The following KIF3C variants were observed in gnomAD, a reference collection of about 807,000 sequenced individuals.
KIF3C encodes the protein kinesin-like protein KIF3C.
Under a neutral mutation model 67.7 loss-of-function variants are expected in KIF3C, and 12 were observed. The observed-to-expected ratio is 0.18, with a 90% CI of 0.11 to 0.29. KIF3C has a LOEUF of 0.29. Among genes scored for constraint, KIF3C ranks in the 10% least tolerant of loss-of-function variants. KIF3C has a pLI of 1.00. For missense variants in KIF3C, 789 were observed against 1,059.6 expected (o/e 0.74, Z 3.55); for synonymous variants, 393 against 426.2 (o/e 0.92, Z 0.96).
intron 1 of KIF3C, among the ~76,000 whole-genome samples, chr2:25,979,229 A>G (rs996985430): frequency 2.6e-5 from 4 of 152,126 alleles, no homozygotes; most frequent in African/African-American, 9.7e-5. Context: ...CATCCTCAGC[A>G]ATGCAACTTA....
intron 1 of KIF3C, among the ~76,000 whole-genome samples, chr2:25,962,315 G>A (rs1248224811): frequency 6.6e-6 from 1 of 151,992 alleles, no homozygotes; most frequent in Non-Finnish European, 1.5e-5. Flanking sequence ...GAAATAAAAT[G>A]ACAAATGCCA....
chr2:25,932,023 G>T (rs761476820), intron 5 of KIF3C, among the ~76,000 whole-genome samples: 11 of 108,442 alleles, frequency 1.0e-4, no homozygotes, highest in Non-Finnish European at 1.5e-4. Flanking sequence ...TTTTTTTTTG[G>T]AAACGGAGTC....
In KIF3C at chr2:25,981,960, T is replaced by A; in HGVS notation, c.-43A>T. On this transcript the variant is annotated 5_prime_UTR_variant, in exon 1 of 8. Transcript: ENST00000264712. This position sits in a 1 kb window ranked among gnomAD's most constrained non-coding sequence, Gnocchi z 8.2. ...CCTGCCCCCGAGCCCCTCCGCAGCC[T>A]GGGCGGTCCTGCTATCCTGCTCGCT... 2 of 1,469,588 alleles carry A rather than the reference T, an allele frequency of 1.4e-6. No individual in the cohort carries two copies. The highest frequency in any genetic ancestry group is 1.8e-6 in the Non-Finnish European group (2 of 1,103,528). 91.0% of individuals were successfully genotyped at this position (1,469,588 alleles called of 1,614,324 possible).
rs753777369 is a variant in KIF3C, at chr2:25,954,387, TG to T, written c.1771-3del. 5 of 1,612,128 alleles carry T rather than the reference TG, an allele frequency of 3.1e-6. No homozygotes were observed. On this transcript the variant is annotated splice_region_variant and splice_polypyrimidine_tract_variant and intron_variant, in intron 3 of 7. Transcript: ENST00000264712. The stretch of plus-strand genomic sequence containing the variant: ...CACCGCCTGCAGCTTGGCGTAGAGC[TG>T]GGTGGGGACAGGTGCCACTCAGAGG...
Position 25,958,367 on chromosome 2 carries a change from G to A in KIF3C, c.1546-1923C>T, listed in dbSNP as rs910058350. On this transcript the variant is annotated intron_variant, in intron 1 of 7. Transcript: ENST00000264712. This position sits in a 1 kb window ranked among gnomAD's most constrained non-coding sequence, Gnocchi z 4.5. ...AAGTTGAGGTGGGCGGATCATCTGA[G>A]GTCAGGAGTTCGATACCAGCCTGGC... is the stretch of plus-strand genomic sequence containing the variant. Among the ~76,000 whole-genome samples, 3 of 152,134 alleles carry A rather than the reference G, an allele frequency of 2.0e-5. No individual in the cohort carries two copies. Among genetic ancestry groups the A allele is most frequent in the African/African-American group, 7.2e-5 (3 of 41,410 alleles).
Position 25,953,666 on chromosome 2 carries a change from G to GTTT in KIF3C, c.1889+598_1889+600dup, listed in dbSNP as rs1195374364. 7.5e-4 allele frequency among the ~76,000 whole-genome samples: 71 copies of GTTT among 94,498 alleles called. 1 individual carries two copies. The highest frequency in any genetic ancestry group is 2.9e-3 in the African/African-American group (67 of 22,996). 62.0% of individuals were successfully genotyped at this position (94,498 alleles called of 152,430 possible). On this transcript the variant is annotated intron_variant, in intron 4 of 7. Transcript: ENST00000264712. ...TGAGCCACTGCGCCCGGCCTTTTTTGTTTTTGTTTTTTTTTTTTTTTTGAG... is the reference window on the plus strand; with the variant it reads ...TGAGCCACTGCGCCCGGCCTTTTTTGTTTTTTTTGTTTTTTTTTTTTTTTTGAG...
chr2:25,971,431 T>G (rs558908093), intron 1 of KIF3C, among the ~76,000 whole-genome samples: 1 of 148,632 alleles, frequency 6.7e-6, no homozygotes, highest in African/African-American at 2.5e-5. Flanking sequence ...AGAGACAGAC[T>G]ACATCTCAAA....
intron 1 of KIF3C, among the ~76,000 whole-genome samples, chr2:25,963,020 A>ATATAATATATAAT (rs1242526812): frequency 3.5e-4 from 11 of 31,530 alleles, no homozygotes; most frequent in South Asian, 1.6e-3. Context: ...TAATATATAT[A>ATATAATATATAAT]ATATATAATA....
chr2:25,963,198 T>TATATATATATATA (rs56124128), intron 1 of KIF3C, among the ~76,000 whole-genome samples: 6 of 26,588 alleles, frequency 2.3e-4, no homozygotes, highest in African/African-American at 1.2e-3. Flanking sequence ...ATATATATAT[T>TATATATATATATA]TTTTTTTTTT....
chr2:25,940,555 G>A (rs554430387), intron 5 of KIF3C, among the ~76,000 whole-genome samples: 5 of 150,682 alleles, frequency 3.3e-5, no homozygotes, highest in African/African-American at 9.7e-5. Context: ...GGGCGACAGA[G>A]TGAGACTCCA....
chr2:25,926,668 G>C lies in KIF3C; in HGVS notation c.*2310C>G, dbSNP rs927206298. On this transcript the variant is annotated 3_prime_UTR_variant, in exon 8 of 8. Coordinates refer to ENST00000264712, the MANE Select transcript of KIF3C (RefSeq NM_002254.8). ...ACAGGGCTGGGGCCTGCAAGCTGCT[G>C]GCAGCACCCAGCTGCAGGTGCATTT... 1 of 152,206 alleles carries C rather than the reference G, an allele frequency of 6.6e-6. No homozygotes were observed. The highest frequency in any genetic ancestry group is 1.5e-5 in the Non-Finnish European group (1 of 68,058). The allele number at this position is 152,206 out of a possible 1,614,324, so 9.4% of individuals were successfully genotyped here. A position where few individuals can be genotyped will look rare whatever the true frequency, so the allele number is the denominator to read the frequency against.
chr2:25,959,268 C>T (rs975250446), intron 1 of KIF3C, among the ~76,000 whole-genome samples: 24 of 152,116 alleles, frequency 1.6e-4, no homozygotes, highest in African/African-American at 5.6e-4. Flanking sequence ...AGGCCATATT[C>T]CTACTATTTC....
intron 1 of KIF3C, among the ~76,000 whole-genome samples, chr2:25,961,806 C>A (rs890451882): frequency 6.6e-6 from 1 of 152,116 alleles, no homozygotes; most frequent in Non-Finnish European, 1.5e-5. Flanking sequence ...AGGCTTAGGC[C>A]GGGCGCAGTG....
chr2:25,967,175 G>T (rs1443327638), intron 1 of KIF3C, among the ~76,000 whole-genome samples: 1 of 152,132 alleles, frequency 6.6e-6, no homozygotes, highest in Non-Finnish European at 1.5e-5. Flanking sequence ...GCAGGGCTCT[G>T]CTGCTGCTGC....
Position 25,958,891 on chromosome 2 carries a change from A to G in KIF3C, c.1546-2447T>C, listed in dbSNP as rs1174922564. On this transcript the variant is annotated intron_variant, in intron 1 of 7. Coordinates refer to ENST00000264712, the MANE Select transcript of KIF3C (RefSeq NM_002254.8). The surrounding 1 kb of genome is among the most constrained non-coding windows in gnomAD (Gnocchi z 4.5). ...GGAGTTCGAGACCAGTCTGACCAAC[A>G]TGGAGAAACCCCATCTCTACTAAAA... Among the ~76,000 whole-genome samples, 1 of 152,170 alleles carries G rather than the reference A, an allele frequency of 6.6e-6. No individual in the cohort carries two copies. The highest frequency in any genetic ancestry group is 1.5e-5 in the Non-Finnish European group (1 of 68,022).
At chr2:25,968,070 T>G (rs996803191) in intron 1 of KIF3C, among the ~76,000 whole-genome samples, 58 of 152,124 alleles carry the variant, frequency 3.8e-4, no homozygotes, top group African/African-American at 1.4e-3. Context: ...GACCTATTTC[T>G]CCTTTTCCAG....
Position 25,928,859 on chromosome 2 carries a change from G to T in KIF3C, c.*119C>A. On this transcript the variant is annotated 3_prime_UTR_variant, in exon 8 of 8. Coordinates refer to ENST00000264712, the MANE Select transcript of KIF3C (RefSeq NM_002254.8). ...CACCATCTGCCAGATTCTCACCCCT[G>T]CACACACGCACACGCACATGCACGC... The T allele has an allele frequency of 1.3e-6, 1 of 762,746 alleles. No homozygotes were observed. The highest frequency in any genetic ancestry group is 2.2e-6 in the Non-Finnish European group (1 of 460,212). The allele number at this position is 762,746 out of a possible 1,614,324, so 47.2% of individuals were successfully genotyped here. A position where few individuals can be genotyped will look rare whatever the true frequency, so the allele number is the denominator to read the frequency against.
chr2:25,948,344 G>A (rs765205636), intron 5 of KIF3C, among the ~76,000 whole-genome samples: 2 of 151,956 alleles, frequency 1.3e-5, no homozygotes, highest in Admixed American at 6.6e-5. Flanking sequence ...CTTAAGCCCC[G>A]GACCTCACGA....
intron 5 of KIF3C, among the ~76,000 whole-genome samples, chr2:25,949,259 G>GC (rs1247126200): frequency 6.6e-6 from 1 of 152,048 alleles, no homozygotes; most frequent in Non-Finnish European, 1.5e-5. Context: ...TACTATTCTT[G>GC]CAATTCTTGT....
Sources: allele counts gnomAD v4.1 joint callset (sites outside exome capture counted in the v4.1 genomes callset), GRCh38; gene constraint gnomAD v4.1.1; non-coding constraint Gnocchi (gnomAD v3.1); transcripts MANE v1.5; gene names NCBI Gene and HGNC (gene_info 2026-07-23, HGNC 2026-07-21).